The following SOD2 variants were observed in gnomAD, a reference collection of about 807,000 sequenced individuals.
SOD2 encodes the protein superoxide dismutase 2.
In SOD2, 11 loss-of-function variants were observed where a neutral mutation model predicts 27.0. That is an observed-to-expected ratio of 0.41 (90% CI 0.26 to 0.67). The LOEUF is 0.67. SOD2 is among the 30% of genes least tolerant of loss of function. SOD2 has a pLI of 0.34. For synonymous variants in SOD2, 105 were observed against 103.0 expected, an observed-to-expected ratio of 1.02 and a Z score of -0.12; for missense variants, 250 against 274.5, an observed-to-expected ratio of 0.91 and a Z score of 0.63.
chr6:159,693,611 A>T (rs554149062), upstream of SOD2, among the ~76,000 whole-genome samples: 4 of 152,142 alleles, frequency 2.6e-5, no homozygotes, highest in Non-Finnish European at 5.9e-5. Flanking sequence ...ATCTGGCTGC[A>T]CTAGGCGGCT....
chr6:159,757,356 C>G (rs1365996709), intron 1 of SOD2, among the ~76,000 whole-genome samples: 2 of 151,888 alleles, frequency 1.3e-5, no homozygotes, highest in African/African-American at 2.4e-5. Flanking sequence ...TATATCCGGT[C>G]TTCAGCAGTA....
rs1779634275 is a variant in SOD2 at position 159,670,611 on chromosome 6, G to C, written c.*11882C>G. 1 of 152,752 alleles carries C rather than the reference G, an allele frequency of 6.5e-6. No individual in the cohort carries two copies. Among genetic ancestry groups the C allele is most frequent in the Non-Finnish European group, 1.5e-5 (1 of 68,546 alleles). 9.5% of individuals were successfully genotyped at this position (152,752 alleles called of 1,614,324 possible). The stretch of plus-strand genomic sequence containing the variant: ...ACCAAAAAATGCCAGACTTGGGTTG[G>C]GTTCCAAGATGGCCGAATAGGAACA... On this transcript the variant is annotated 3_prime_UTR_variant, in exon 5 of 5. Transcript: ENST00000538183.
At chr6:159,760,158 T>A (rs1007102355) in intron 1 of SOD2, 2 of 152,196 alleles carry the variant, frequency 1.3e-5, no homozygotes, top group Middle Eastern at 3.2e-3. Context: ...AGGGGGAGTT[T>A]CAGAGGTAAA....
intron 1 of SOD2, chr6:159,712,754 C>G (rs1777851434): frequency 2.1e-6 from 1 of 477,364 alleles, no homozygotes; most frequent in Admixed American, 2.5e-5. Flanking sequence ...ACCACCATAA[C>G]CACCTCCACA....
chr6:159,681,413 A>G lies in SOD2; in HGVS notation c.*1080T>C, dbSNP rs1779959234. Reference sequence around the variant, plus strand: ...AAATGGATTCACACAGACGTCAGATAAGGGGGAACACCAGGGACTAAACTC... The same window carrying G: ...AAATGGATTCACACAGACGTCAGATGAGGGGGAACACCAGGGACTAAACTC... On this transcript the variant is annotated 3_prime_UTR_variant, in exon 5 of 5. Transcript: ENST00000538183. 1.3e-5 allele frequency: 2 copies of G among 152,348 alleles called. No homozygotes were observed. The highest frequency in any genetic ancestry group is 4.1e-4 in the South Asian group (2 of 4,840). 9.4% of individuals were successfully genotyped at this position (152,348 alleles called of 1,614,324 possible).
chr6:159,692,957 G>C, intron 1 of SOD2, 94 bp from the exon 2 acceptor site: 1 of 1,363,014 alleles, frequency 7.3e-7, no homozygotes, highest in South Asian at 1.5e-5. Flanking sequence ...GGCGTCCCCC[G>C]AGTCCCCGCG....
intron 3 of SOD2, among the ~76,000 whole-genome samples, chr6:159,687,499 TA>T (rs1280566463): frequency 4.0e-5 from 6 of 150,646 alleles, no homozygotes; most frequent in African/African-American, 1.5e-4. Flanking sequence ...AAAAAGTTCA[TA>T]AAATGAAGTC....
At chr6:159,756,734 T>C (rs779577250) in intron 1 of SOD2, among the ~76,000 whole-genome samples, 2 of 151,798 alleles carry the variant, frequency 1.3e-5, no homozygotes, top group African/African-American at 2.4e-5. Flanking sequence ...TCCGAGTACC[T>C]GAGACTATAG....
intron 1 of SOD2, 34 bp downstream of exon 1, chr6:159,693,111 C>G: frequency 6.5e-7 from 1 of 1,526,930 alleles, no homozygotes. Context: ...CCCCTTCGCC[C>G]TTGGGGCCGT....
In SOD2 at chr6:159,722,344, A is replaced by C. The variant is rs1778058662; in HGVS notation, c.-116+4785T>G. 2.0e-5 allele frequency among the ~76,000 whole-genome samples: 3 copies of C among 152,234 alleles called. No homozygotes were observed. The South Asian group carries it at 6.2e-4, about 31-fold the overall frequency. ...GACTGCAGTGAGCCATGTTTGTGCC[A>C]CTGCACTCCAGCCTGGATGACAGAG... On this transcript the variant is annotated intron_variant, in intron 1 of 2. Coordinates refer to the SOD2 transcript ENST00000401980.
In SOD2 at chr6:159,670,330, G is replaced by A. The variant is rs1779628119; in HGVS notation, c.*12163C>T. On this transcript the variant is annotated 3_prime_UTR_variant, in exon 5 of 5. Transcript: ENST00000538183. ...CCTTGATAGGTGAAGACTTACTTGT[G>A]TCATTTTTTAAATTGTTTTCTGGTA... 6.6e-6 allele frequency: 1 copy of A among 152,142 alleles called. No individual in the cohort carries two copies. Among genetic ancestry groups the A allele is most frequent in the Admixed American group, 6.5e-5 (1 of 15,274 alleles). The allele number at this position is 152,142 out of a possible 1,614,324, so 9.4% of individuals were successfully genotyped here.
At chr6:159,695,750 C>G (rs1777411485), upstream of SOD2, among the ~76,000 whole-genome samples, 1 of 152,170 alleles carries the variant, frequency 6.6e-6, no homozygotes, top group African/African-American at 2.4e-5. Flanking sequence ...CCCACCTCAG[C>G]CTTCCAAAGT....
intron 1 of SOD2, chr6:159,739,130 A>C: frequency 9.1e-7 from 1 of 1,104,350 alleles, no homozygotes; most frequent in Non-Finnish European, 1.3e-6. Flanking sequence ...TGTGCCAGAT[A>C]TTGTTTTTAA....
At position 159,692,420 on chromosome 6, in the gene SOD2, C is replaced by CT. The variant is rs769266617; in HGVS notation, c.226+240dup. 165 of 1,402,270 alleles carry CT rather than the reference C, an allele frequency of 1.2e-4. 2 individuals are homozygous for CT. The East Asian group carries it at 4.4e-3, about 38-fold the overall frequency. 86.9% of individuals were successfully genotyped at this position (1,402,270 alleles called of 1,614,324 possible). The stretch of plus-strand genomic sequence containing the variant: ...ATGTGGCTCACAACAGTAAGGCAAG[C>CT]TCCTTCGCAGGACCCCAAGTTCCCT... On this transcript the variant is annotated intron_variant, in intron 2 of 4. Transcript: ENST00000538183.
In SOD2 at chr6:159,687,477, C is replaced by T. The variant is rs556806078; in HGVS notation, c.343+649G>A. ...TCCAGCCTGGGCGACTGTAAGACTCCGTCTCAAAAAAAAAAAGTTCATAAA... is the reference window on the plus strand; with the variant it reads ...TCCAGCCTGGGCGACTGTAAGACTCTGTCTCAAAAAAAAAAAGTTCATAAA... On this transcript the variant is annotated intron_variant, in intron 3 of 4. Coordinates refer to ENST00000538183, the MANE Select transcript of SOD2 (RefSeq NM_000636.4). Among the ~76,000 whole-genome samples the T allele has an allele frequency of 4.9e-5, 6 of 122,200 alleles. No homozygotes were observed. The South Asian group carries it at 1.6e-3, about 33-fold the overall frequency. 80.2% of individuals were successfully genotyped at this position (122,200 alleles called of 152,430 possible).
intron 1 of SOD2, among the ~76,000 whole-genome samples, chr6:159,723,581 G>A (rs192545776): frequency 6.6e-6 from 1 of 152,314 alleles, no homozygotes; most frequent in Non-Finnish European, 1.5e-5. Flanking sequence ...AGTGTCAGAT[G>A]TGCTCACTGT....
At chr6:159,727,553 G>T (rs1048257210), upstream of SOD2, 3 of 989,304 alleles carry the variant, frequency 3.0e-6, no homozygotes, top group South Asian at 4.5e-5. Context: ...ATAAAGGGGA[G>T]CGCAGGGGTT....
In SOD2 at chr6:159,675,345, C is replaced by T. The variant is rs1779755363; in HGVS notation, c.*7148G>A. The T allele has an allele frequency of 6.6e-6, 1 of 152,178 alleles. No individual in the cohort carries two copies. The highest frequency in any genetic ancestry group is 6.6e-5 in the Admixed American group (1 of 15,262). The allele number at this position is 152,178 out of a possible 1,614,324, so 9.4% of individuals were successfully genotyped here. ...AGGCATCACGCTACCTGATTTCAAA[C>T]TATACTACAAGGCTGCAGTAACCAA... On this transcript the variant is annotated 3_prime_UTR_variant, in exon 5 of 5. Transcript: ENST00000538183.
chr6:159,727,373 C>T (rs891991971), upstream of SOD2: 11 of 622,956 alleles, frequency 1.8e-5, no homozygotes, highest in African/African-American at 4.2e-4. Context: ...AGCGGGGAGG[C>T]TGGCGGGAGG....
Sources: allele counts gnomAD v4.1 joint callset (sites outside exome capture counted in the v4.1 genomes callset), GRCh38; gene constraint gnomAD v4.1.1; transcripts MANE v1.5; gene names NCBI Gene and HGNC (gene_info 2026-07-23, HGNC 2026-07-21).